CD36: variants seen among roughly 807,000 people sequenced by gnomAD.
CD36 encodes the protein platelet glycoprotein 4.
Under a neutral mutation model 55.2 loss-of-function variants are expected in CD36, and 119 were observed. The observed-to-expected ratio is 2.15, with a 90% CI of 1.86 to 2.51. The LOEUF is 2.51. CD36 is among the 30% of genes most tolerant of loss of function. The pLI is 0.00. For missense variants in CD36, 819 were observed against 555.5 expected (o/e 1.47, Z -4.77); for synonymous variants, 186 against 193.6 (o/e 0.96, Z 0.33).
At chr7:80,656,730 T>G (rs946510688) in intron 4 of CD36, 30 bp downstream of exon 4, 36 of 1,592,756 alleles carry the variant, frequency 2.3e-5, no homozygotes, top group Non-Finnish European at 3.1e-5. Flanking sequence ...TATGAGACAC[T>G]CTTACCTTGA....
At position 80,678,524 on chromosome 7, in the gene CD36, T is replaced by A. The variant is rs950770398; in HGVS notation, c.*2141T>A. The A allele has an allele frequency of 6.6e-6, 1 of 151,992 alleles. No individual in the cohort carries two copies. Among genetic ancestry groups the A allele is most frequent in the Admixed American group, 6.6e-5 (1 of 15,256 alleles). 9.4% of individuals were successfully genotyped at this position (151,992 alleles called of 1,614,324 possible). On this transcript the variant is annotated 3_prime_UTR_variant, in exon 15 of 15. Transcript: ENST00000447544. The stretch of plus-strand genomic sequence containing the variant: ...GAGGGTATCATTTCAAGAAAAAAAA[T>A]AGCTATCACGCAATGGTTATCTCTG...
chr7:80,662,963 T>C, intron 5 of CD36, 27 bp from the exon 6 acceptor site: 2 of 1,558,428 alleles, frequency 1.3e-6, no homozygotes, highest in Non-Finnish European at 1.8e-6. Context: ...TGTATTCTTG[T>C]CTTAAACAGT....
chr7:80,661,924 G>C (rs1796563605), intron 5 of CD36, among the ~76,000 whole-genome samples: 1 of 152,096 alleles, frequency 6.6e-6, no homozygotes, highest in Admixed American at 6.6e-5. Flanking sequence ...CGCCAACAGG[G>C]GGTGCCGTCC....
Position 80,671,064 on chromosome 7 carries a change from T to A in CD36, c.906T>A (p.Ser302=). 6.2e-7 allele frequency: 1 copy of A among 1,612,380 alleles called. No homozygotes were observed. The highest frequency in any genetic ancestry group is 8.5e-7 in the Non-Finnish European group (1 of 1,178,582). The change falls in exon 10 of 15, where the codon TCT becomes TCA. Residue 302 remains serine, a synonymous_variant. Coordinates refer to ENST00000447544, the MANE Select transcript of CD36 (RefSeq NM_001001548.3). ...RFVLPSKAFA[S]PVENPDNYCF... ...TTCTTCCATCCAAGGCCTTTGCCTC[T>A]CCAGTTGAAAACCCAGACAACTATT... is the stretch of plus-strand genomic sequence containing the variant.
intron 3 of CD36, among the ~76,000 whole-genome samples, chr7:80,647,563 A>G (rs1795264763): frequency 1.3e-5 from 2 of 152,260 alleles, no homozygotes; most frequent in South Asian, 4.1e-4. Context: ...ACCCTAGCTT[A>G]TTCGAATTAG....
intron 1 of CD36, among the ~76,000 whole-genome samples, chr7:80,622,999 G>A (rs1243186213): frequency 9.3e-5 from 6 of 64,530 alleles, no homozygotes; most frequent in African/African-American, 2.2e-4. Flanking sequence ...AACAGTCCTT[G>A]GTAGACTTTT....
intron 14 of CD36, among the ~76,000 whole-genome samples, chr7:80,675,353 C>G (rs897755429): frequency 6.6e-6 from 1 of 152,050 alleles, no homozygotes. Context: ...AAAAACTTGT[C>G]CTAATGGGAA....
chr7:80,625,801 C>G (rs1278192811), intron 1 of CD36, among the ~76,000 whole-genome samples: 1 of 152,114 alleles, frequency 6.6e-6, no homozygotes, highest in African/African-American at 2.4e-5. Flanking sequence ...AAATGACTGT[C>G]TCTAAAGAAT....
In CD36 at chr7:80,610,403, T is replaced by G. The variant is rs867168967; in HGVS notation, c.-184+8024T>G. Among the ~76,000 whole-genome samples the G allele has an allele frequency of 7.2e-5, 11 of 152,280 alleles. No homozygotes were observed. In the Middle Eastern group the frequency reaches 0.017, roughly 235 times the overall value. ...CTGAGAGGGTAATTTAGCTTCCTAATATTATGGTATTTTTATGTCATCTTT... is the reference window on the plus strand; with the variant it reads ...CTGAGAGGGTAATTTAGCTTCCTAAGATTATGGTATTTTTATGTCATCTTT... On this transcript the variant is annotated intron_variant, in intron 1 of 13. Transcript: ENST00000309881.
rs764063131 is a variant in CD36, at chr7:80,673,381, A to ATATTGTGCCTATTC, written c.1228_1241dup (p.Trp415LeufsTer25). On this transcript the variant is annotated frameshift_variant, in exon 13 of 15. Transcript: ENST00000447544. LOFTEE classifies it high-confidence loss of function. ...GTATTAAAGAATCTGAAGAGGAACT[A>ATATTGTGCCTATTC]TATTGTGCCTATTCTTTGGCTTAAT... 4.5e-6 allele frequency: 7 copies of ATATTGTGCCTATTC among 1,566,886 alleles called. No homozygotes were observed. In the African/African-American group the frequency reaches 9.5e-5, roughly 21 times the overall value.
At chr7:80,664,369 CT>C (rs1796822252) in intron 6 of CD36, 36 bp from the exon 7 acceptor site, 1 of 1,099,478 alleles carries the variant, frequency 9.1e-7, no homozygotes, top group Admixed American at 1.7e-5. Context: ...GAAAAAATGA[CT>C]TGTAGAAGTA....
intron 14 of CD36, among the ~76,000 whole-genome samples, chr7:80,675,030 T>C (rs896163890): frequency 3.9e-5 from 6 of 152,088 alleles, no homozygotes; most frequent in Non-Finnish European, 8.8e-5. Context: ...GACCAAAGCA[T>C]AAATCAGTGA....
At chr7:80,646,621 C>G (rs993327536) in intron 2 of CD36, 31 bp from the exon 3 acceptor site, 54 of 1,205,116 alleles carry the variant, frequency 4.5e-5, no homozygotes, top group Non-Finnish European at 5.9e-5. Flanking sequence ...GATATTTAAG[C>G]TTCTGTTTTA....
chr7:80,664,804 C>A (rs917197138), intron 7 of CD36, among the ~76,000 whole-genome samples: 7 of 148,402 alleles, frequency 4.7e-5, no homozygotes, highest in Admixed American at 3.4e-4. Context: ...ACTTATCCAG[C>A]ATTACAGTAT....
intron 3 of CD36, chr7:80,647,195 A>G (rs1398846768): frequency 7.1e-6 from 2 of 283,018 alleles, no homozygotes; most frequent in Non-Finnish European, 1.4e-5. Context: ...ATAAGTGAGT[A>G]TATTTTGTAA....
intron 9 of CD36, 112 bp downstream of exon 9, chr7:80,670,134 C>A: frequency 4.0e-6 from 3 of 758,314 alleles, no homozygotes; most frequent in Admixed American, 3.9e-5. Flanking sequence ...TTAACTAACT[C>A]TTTGCAAAAT....
At position 80,655,270 on chromosome 7, in the gene CD36, T is replaced by G. The variant is rs139568813; in HGVS notation, c.121-1270T>G. 5.2e-3 allele frequency among the ~76,000 whole-genome samples: 786 copies of G among 152,258 alleles called. 9 individuals are homozygous for G. The highest frequency in any genetic ancestry group is 0.018 in the African/African-American group (737 of 41,516). ...AAATACCGCCTGCTTCAAAATCACC[T>G]TTGTTTGCACTATCTACTACAGCGT... On this transcript the variant is annotated intron_variant, in intron 3 of 14. Coordinates refer to ENST00000447544, the MANE Select transcript of CD36 (RefSeq NM_001001548.3).
At chr7:80,615,510 T>C (rs1227235435) in intron 1 of CD36, among the ~76,000 whole-genome samples, 1 of 152,202 alleles carries the variant, frequency 6.6e-6, no homozygotes, top group African/African-American at 2.4e-5. Flanking sequence ...TCTTCTGTGA[T>C]TAGAAAATAT....
At position 80,656,672 on chromosome 7, in the gene CD36, G is replaced by A; in HGVS notation, c.253G>A (p.Val85Ile). 1 of 1,613,742 alleles carries A rather than the reference G, an allele frequency of 6.2e-7. No individual in the cohort carries two copies. Among genetic ancestry groups the A allele is most frequent in the Non-Finnish European group, 8.5e-7 (1 of 1,179,776 alleles). The change falls in exon 4 of 15, where the codon GTT (valine) becomes ATT (isoleucine). Residue 85 changes from valine (V) to isoleucine (I), a missense_variant. Transcript: ENST00000447544. ...EVMMNSSNIQVKQRGPYTYRV... is the reference protein window; with the variant it reads ...EVMMNSSNIQIKQRGPYTYRV... ...GATGATGAACAGCAGCAACATTCAAGTTAAGCAAAGAGGTCCTTATACGTA... is the reference window on the plus strand; with the variant it reads ...GATGATGAACAGCAGCAACATTCAAATTAAGCAAAGAGGTCCTTATACGTA...
Sources: gnomAD v4.1 joint callset for allele counts (sites outside exome capture counted in the v4.1 genomes callset) on GRCh38, gnomAD v4.1.1 for gene constraint, MANE v1.5 for transcripts, NCBI Gene and HGNC (gene_info 2026-07-23, HGNC 2026-07-21) for gene names.